The following NUBPL variants were observed in gnomAD, a reference collection of about 807,000 sequenced individuals.
NUBPL encodes NUBP iron-sulfur cluster assembly factor, mitochondrial, also known as iron-sulfur cluster transfer protein NUBPL.
Under a neutral mutation model 45.7 loss-of-function variants are expected in NUBPL, and 31 were observed. The ratio of observed to expected loss-of-function variants is 0.68; its 90% CI spans 0.51 to 0.92. The LOEUF is 0.92. Among genes scored for constraint, NUBPL ranks in the 40% least tolerant of loss-of-function variants. NUBPL has a pLI of 0.00. For synonymous variants in NUBPL, 144 were observed against 140.9 expected (o/e 1.02, Z -0.15); for missense variants, 401 against 398.7 (o/e 1.01, Z -0.05).
At chr14:31,698,880 A>T (rs1595510502) in intron 6 of NUBPL, among the ~76,000 whole-genome samples, 1 of 150,418 alleles carries the variant, frequency 6.6e-6, no homozygotes. Flanking sequence ...TTTAAGACAG[A>T]GTCTCGCTTT....
intron 8 of NUBPL, among the ~76,000 whole-genome samples, chr14:31,842,618 C>T (rs1336512973): frequency 6.6e-6 from 1 of 152,130 alleles, no homozygotes. Context: ...GCTAGGACCA[C>T]AGGTGTGTGA....
intron 8 of NUBPL, among the ~76,000 whole-genome samples, chr14:31,840,142 A>G (rs2040345325): frequency 6.6e-6 from 1 of 152,212 alleles, no homozygotes; most frequent in Non-Finnish European, 1.5e-5. Context: ...TACGAAAGAG[A>G]TACCTGCACT....
intron 3 of NUBPL, among the ~76,000 whole-genome samples, chr14:31,593,242 G>A (rs866390602): frequency 1.5e-4 from 23 of 152,150 alleles, no homozygotes; most frequent in Middle Eastern, 3.4e-3. Context: ...GGCCGGGAGC[G>A]GTGGCTCACG....
chr14:31,575,817 G>T (rs1273029698), intron 3 of NUBPL, among the ~76,000 whole-genome samples: 1 of 152,150 alleles, frequency 6.6e-6, no homozygotes, highest in South Asian at 2.1e-4. Context: ...TGGAGGAAAG[G>T]TATGCTATTT....
At chr14:31,725,854 C>T (rs561542754) in intron 6 of NUBPL, among the ~76,000 whole-genome samples, 104 of 151,492 alleles carry the variant, frequency 6.9e-4, no homozygotes, top group African/African-American at 2.3e-3. Flanking sequence ...GGATTACAGG[C>T]GCCCACCACC....
intron 10 of NUBPL, among the ~76,000 whole-genome samples, chr14:31,853,300 C>T (rs940656644): frequency 1.2e-4 from 18 of 152,172 alleles, no homozygotes; most frequent in African/African-American, 4.3e-4. Context: ...AGGAGATTCA[C>T]CTGCTTTAGC....
intron 6 of NUBPL, among the ~76,000 whole-genome samples, chr14:31,706,358 T>C (rs2037452564): frequency 6.6e-6 from 1 of 152,174 alleles, no homozygotes; most frequent in Non-Finnish European, 1.5e-5. Context: ...TGGGGTTCCA[T>C]TTGTAAGATC....
intron 6 of NUBPL, among the ~76,000 whole-genome samples, chr14:31,731,826 A>C (rs2038054089): frequency 6.6e-6 from 1 of 152,086 alleles, no homozygotes; most frequent in Admixed American, 6.6e-5. Flanking sequence ...GAAACTCTCA[A>C]CTTGGTCAAA....
chr14:31,592,731 G>A (rs964084571), intron 3 of NUBPL, among the ~76,000 whole-genome samples: 15 of 151,988 alleles, frequency 9.9e-5, no homozygotes, highest in African/African-American at 3.1e-4. Flanking sequence ...TCTCTTTCCT[G>A]TATTATCTAT....
chr14:31,842,715 G>A (rs773027334), intron 8 of NUBPL, among the ~76,000 whole-genome samples: 3 of 151,966 alleles, frequency 2.0e-5, no homozygotes, highest in African/African-American at 7.3e-5. Flanking sequence ...TGGAATTACA[G>A]GCATAAGCCA....
intron 6 of NUBPL, among the ~76,000 whole-genome samples, chr14:31,698,265 G>A (rs2037256587): frequency 6.6e-6 from 1 of 151,584 alleles, no homozygotes. Context: ...TATAGTCAAT[G>A]TTTTCCTTAT....
chr14:31,730,502 C>T (rs1007469867), intron 6 of NUBPL, among the ~76,000 whole-genome samples: 10 of 149,448 alleles, frequency 6.7e-5, no homozygotes, highest in African/African-American at 1.5e-4. Flanking sequence ...CTTGCACCGT[C>T]GCCCAGGCTG....
At chr14:31,711,064 G>T (rs2037559501) in intron 6 of NUBPL, among the ~76,000 whole-genome samples, 1 of 152,226 alleles carries the variant, frequency 6.6e-6, no homozygotes, top group Admixed American at 6.5e-5. Flanking sequence ...CAGGCATTAG[G>T]ACCCAGGAGG....
rs574736413 is a variant in NUBPL, at chr14:31,701,149, T to A, written c.513+27575T>A. Among the ~76,000 whole-genome samples the A allele has an allele frequency of 8.4e-5, 11 of 130,588 alleles. No individual in the cohort carries two copies. The East Asian group carries it at 2.8e-3, about 33-fold the overall frequency. 85.7% of individuals were successfully genotyped at this position (130,588 alleles called of 152,430 possible). On this transcript the variant is annotated intron_variant, in intron 6 of 10. Transcript: ENST00000281081. Reference sequence around the variant, plus strand: ...GTATCTAGCTAATCTGGTGGGGACTTGGAGAACTTTTATGTCTAGCTAGAG... The same window carrying A: ...GTATCTAGCTAATCTGGTGGGGACTAGGAGAACTTTTATGTCTAGCTAGAG...
At chr14:31,766,642 G>C (rs2038918148) in intron 6 of NUBPL, among the ~76,000 whole-genome samples, 1 of 152,140 alleles carries the variant, frequency 6.6e-6, no homozygotes, top group South Asian at 2.1e-4. Context: ...TGACTTATCA[G>C]CCATCACATA....
intron 6 of NUBPL, among the ~76,000 whole-genome samples, chr14:31,764,694 A>G (rs17098152): frequency 0.31 from 46,493 of 152,100 alleles, 7,727 homozygotes; most frequent in South Asian, 0.41. Flanking sequence ...GAGAATGAAG[A>G]AACAGCTGCT....
At chr14:31,674,413 C>T (rs1176619082) in intron 6 of NUBPL, among the ~76,000 whole-genome samples, 2 of 152,110 alleles carry the variant, frequency 1.3e-5, no homozygotes, top group East Asian at 1.9e-4. Flanking sequence ...TAACATCTTG[C>T]CTTTCTACCA....
At chr14:31,657,753 T>C (rs2036174688) in intron 4 of NUBPL, among the ~76,000 whole-genome samples, 1 of 152,222 alleles carries the variant, frequency 6.6e-6, no homozygotes, top group Admixed American at 6.5e-5. Context: ...CTCAACACTC[T>C]TCTTTTTTAC....
chr14:31,708,140 T>C (rs965534187), intron 6 of NUBPL, among the ~76,000 whole-genome samples: 2 of 152,172 alleles, frequency 1.3e-5, no homozygotes, highest in African/African-American at 4.8e-5. Flanking sequence ...CATTGATGAG[T>C]CTAAGATCTT....
Sources: allele counts gnomAD v4.1 joint callset (sites outside exome capture counted in the v4.1 genomes callset), GRCh38; gene constraint gnomAD v4.1.1; transcripts MANE v1.5; gene names NCBI Gene and HGNC (gene_info 2026-07-23, HGNC 2026-07-21).